Variants in FAM117B observed in about 807,000 individuals in gnomAD.
The protein encoded by FAM117B is family with sequence similarity 117 member B.
In FAM117B, 22 loss-of-function variants were observed where a neutral mutation model predicts 52.8. The observed-to-expected ratio is 0.42, with a 90% CI of 0.30 to 0.59. The LOEUF (loss-of-function observed/expected upper bound fraction) is 0.59. Among genes scored for constraint, FAM117B ranks in the 20% least tolerant of loss-of-function variants. The pLI is 0.22. For synonymous variants in FAM117B, 309 were observed against 324.1 expected (o/e 0.95, Z 0.50); for missense variants, 678 against 802.6 (o/e 0.84, Z 1.88).
chr2:202,635,576 C>A lies in FAM117B; in HGVS notation c.389C>A (p.Ala130Glu). 1 of 1,240,132 alleles carries A rather than the reference C, an allele frequency of 8.1e-7. No homozygotes were observed. Among genetic ancestry groups the A allele is most frequent in the Admixed American group, 4.4e-5 (1 of 22,538 alleles). The allele number at this position is 1,240,132 out of a possible 1,614,324, so 76.8% of individuals were successfully genotyped here. The change falls in exon 1 of 8, where the codon GCG (alanine) becomes GAG (glutamate). Residue 130 changes from alanine to glutamate, a missense_variant. Physicochemically the swap from Ala to Glu is moderately radical, Grantham distance 107. Around this residue, in one of 3 missense-constraint regions of FAM117B, gnomAD observed 583 missense variants for 644.8 expected, o/e 0.90. Coordinates refer to ENST00000392238, the MANE Select transcript of FAM117B (RefSeq NM_173511.4). Reference sequence around the variant, plus strand: ...GGCACCAGCCCCACGCGCAGCGCCGCGCCTGGAGCTCGCGGGAGCCCCCCA... The same window carrying A: ...GGCACCAGCCCCACGCGCAGCGCCGAGCCTGGAGCTCGCGGGAGCCCCCCA... ...TRGTSPTRSAAPGARGSPPRP... is the reference protein window; with the variant it reads ...TRGTSPTRSAEPGARGSPPRP...
rs1005308344 is a variant in FAM117B, at chr2:202,768,119, A to G, written c.*2355A>G. On this transcript the variant is annotated 3_prime_UTR_variant, in exon 8 of 8. Transcript: ENST00000392238. ...AACTCTTGGTTTTTGGATGACTTGA[A>G]TTCTGTTAAATCTGTGTTCTTGGCC... is the stretch of plus-strand genomic sequence containing the variant. The G allele has an allele frequency of 3.3e-5, 5 of 152,196 alleles. No individual in the cohort carries two copies. The highest frequency in any genetic ancestry group is 4.8e-5 in the African/African-American group (2 of 41,440). The allele number at this position is 152,196 out of a possible 1,614,324, so 9.4% of individuals were successfully genotyped here. A position where few individuals can be genotyped will look rare whatever the true frequency, so the allele number is the denominator to read the frequency against.
chr2:202,697,856 A>G (rs1250666754), intron 2 of FAM117B, among the ~76,000 whole-genome samples: 1 of 150,256 alleles, frequency 6.7e-6, no homozygotes, highest in Non-Finnish European at 1.5e-5. Flanking sequence ...GGCCCGAGAT[A>G]ATGTTTTTTA....
At chr2:202,726,109 CA>C (rs1574570974) in intron 3 of FAM117B, 140 bp from the exon 4 acceptor site, 1 of 595,282 alleles carries the variant, frequency 1.7e-6, no homozygotes, top group East Asian at 2.9e-5. Context: ...AAATTATGAA[CA>C]AAAAATGAGA....
intron 1 of FAM117B, among the ~76,000 whole-genome samples, chr2:202,658,410 C>G (rs1690081957): frequency 6.6e-6 from 1 of 152,046 alleles, no homozygotes; most frequent in Non-Finnish European, 1.5e-5. Flanking sequence ...TTCAGGTGAT[C>G]CTCTTGCCTC....
rs1232583023 is a variant in FAM117B at position 202,766,734 on chromosome 2, C to T, written c.*970C>T. 1 of 152,172 alleles carries T rather than the reference C, an allele frequency of 6.6e-6. No individual in the cohort carries two copies. The highest frequency in any genetic ancestry group is 6.5e-5 in the Admixed American group (1 of 15,274). The allele number at this position is 152,172 out of a possible 1,614,324, so 9.4% of individuals were successfully genotyped here. A position where few individuals can be genotyped will look rare whatever the true frequency, so the allele number is the denominator to read the frequency against. ...GCTCTCCCTCCTTTACCACAGGTGT[C>T]ATTCTACCTTTAATCATCACTGTAT... On this transcript the variant is annotated 3_prime_UTR_variant, in exon 8 of 8. Transcript: ENST00000392238.
chr2:202,766,938 T>G lies in FAM117B; in HGVS notation c.*1174T>G, dbSNP rs1035546813. 1.3e-5 allele frequency: 2 copies of G among 152,576 alleles called. No individual in the cohort carries two copies. The highest frequency in any genetic ancestry group is 4.8e-5 in the African/African-American group (2 of 41,428). The allele number at this position is 152,576 out of a possible 1,614,324, so 9.5% of individuals were successfully genotyped here. ...TGACATTTTTCTTTGTGGTGGTGGT[T>G]GGCCCTGAGATTTGTTGCCTACAGA... On this transcript the variant is annotated 3_prime_UTR_variant, in exon 8 of 8. Coordinates refer to ENST00000392238, the MANE Select transcript of FAM117B (RefSeq NM_173511.4).
chr2:202,733,410 C>T (rs1691388814), intron 4 of FAM117B, among the ~76,000 whole-genome samples: 1 of 152,056 alleles, frequency 6.6e-6, no homozygotes, highest in African/African-American at 2.4e-5. Context: ...GATCTTTTCC[C>T]CACCCTAATA....
chr2:202,753,156 G>T (rs536035711), intron 4 of FAM117B, among the ~76,000 whole-genome samples: 1 of 152,280 alleles, frequency 6.6e-6, no homozygotes, highest in African/African-American at 2.4e-5. Context: ...GCATGGTACT[G>T]GTACCAAAGC....
At chr2:202,709,719 T>C (rs189808979) in intron 2 of FAM117B, among the ~76,000 whole-genome samples, 1 of 152,342 alleles carries the variant, frequency 6.6e-6, no homozygotes, top group Admixed American at 6.5e-5. Context: ...GAAATCATTG[T>C]CAAGACCAAT....
chr2:202,711,049 TTTTC>T (rs1690949660), intron 2 of FAM117B, among the ~76,000 whole-genome samples: 1 of 152,150 alleles, frequency 6.6e-6, no homozygotes, highest in Non-Finnish European at 1.5e-5. Context: ...AATATACTGA[TTTTC>T]TTTCTTTCAG....
intron 4 of FAM117B, among the ~76,000 whole-genome samples, chr2:202,730,916 A>G (rs927232997): frequency 1.3e-5 from 2 of 152,208 alleles, no homozygotes; most frequent in African/African-American, 4.8e-5. Flanking sequence ...TCAAAATTAA[A>G]AACTTGTGAT....
At chr2:202,751,808 T>C (rs1691728299) in intron 4 of FAM117B, among the ~76,000 whole-genome samples, 1 of 150,368 alleles carries the variant, frequency 6.7e-6, no homozygotes, top group African/African-American at 2.4e-5. Context: ...GTTTTGACAA[T>C]TGTATATCTG....
At chr2:202,706,844 G>C (rs2105780685) in intron 2 of FAM117B, among the ~76,000 whole-genome samples, 1 of 152,096 alleles carries the variant, frequency 6.6e-6, no homozygotes, top group South Asian at 2.1e-4. Context: ...ATCTTTTTTT[G>C]GGGGCCTAAA....
intron 5 of FAM117B, among the ~76,000 whole-genome samples, 180 bp from the exon 6 acceptor site, chr2:202,757,033 C>T (rs59752321): frequency 0.48 from 72,791 of 151,872 alleles, 18,303 homozygotes; most frequent in Middle Eastern, 0.62. Context: ...CGAAGACTCT[C>T]AGTGTGGGGG....
rs1034994079 is a variant in FAM117B at position 202,768,988 on chromosome 2, G to A, written c.*3224G>A. Reference sequence around the variant, plus strand: ...CTATTACTTGTCATGGCTTTTGTACGCAACTGTGTTTTAAAAATACCGGTT... The same window carrying A: ...CTATTACTTGTCATGGCTTTTGTACACAACTGTGTTTTAAAAATACCGGTT... On this transcript the variant is annotated 3_prime_UTR_variant, in exon 8 of 8. Transcript: ENST00000392238. 6.6e-6 allele frequency: 1 copy of A among 151,698 alleles called. No homozygotes were observed. Among genetic ancestry groups the A allele is most frequent in the Non-Finnish European group, 1.5e-5 (1 of 67,962 alleles). The allele number at this position is 151,698 out of a possible 1,614,324, so 9.4% of individuals were successfully genotyped here.
intron 1 of FAM117B, among the ~76,000 whole-genome samples, chr2:202,665,651 A>G (rs1400597146): frequency 6.6e-6 from 1 of 152,148 alleles, no homozygotes; most frequent in Non-Finnish European, 1.5e-5. Flanking sequence ...CCCAGGCTGG[A>G]GTGCAGTGGT....
chr2:202,703,154 C>T (rs1184628743), intron 2 of FAM117B, among the ~76,000 whole-genome samples: 2 of 152,180 alleles, frequency 1.3e-5, no homozygotes, highest in African/African-American at 2.4e-5. Context: ...AAAAGAAACC[C>T]TGTAACTCCC....
intron 1 of FAM117B, among the ~76,000 whole-genome samples, chr2:202,645,541 G>A (rs1257014753): frequency 2.0e-5 from 3 of 151,440 alleles, no homozygotes; most frequent in African/African-American, 4.8e-5. Context: ...TGCCCGCCTC[G>A]GCCTCCCAAA....
intron 2 of FAM117B, among the ~76,000 whole-genome samples, chr2:202,697,929 G>A (rs1690737263): frequency 6.6e-6 from 1 of 152,052 alleles, no homozygotes; most frequent in Admixed American, 6.6e-5. Flanking sequence ...GAGTACAGGG[G>A]CACAATCTTG....
Sources: allele counts gnomAD v4.1 joint callset (sites outside exome capture counted in the v4.1 genomes callset), GRCh38; gene constraint gnomAD v4.1.1; regional missense constraint gnomAD v4.1.1; transcripts MANE v1.5; gene names NCBI Gene and HGNC (gene_info 2026-07-23, HGNC 2026-07-21).